The following RORB variants were observed in gnomAD, a reference collection of about 807,000 sequenced individuals.
RORB encodes RAR related orphan receptor B.
In RORB, 6 loss-of-function variants were observed where a neutral mutation model predicts 59.1. The observed-to-expected ratio is 0.10, with a 90% CI of 0.06 to 0.20. RORB has a LOEUF of 0.20. Ranked by LOEUF, RORB falls within the 10% of genes least tolerant of loss-of-function variation. RORB has a pLI of 1.00. For missense variants in RORB, 320 were observed against 560.5 expected (o/e 0.57, Z 4.33); for synonymous variants, 215 against 204.5 (o/e 1.05, Z -0.44).
At chr9:74,665,803 T>G (rs556746573) in intron 7 of RORB, among the ~76,000 whole-genome samples, 1 of 152,328 alleles carries the variant, frequency 6.6e-6, no homozygotes, top group African/African-American at 2.4e-5. Flanking sequence ...AAGAGAGAAC[T>G]GAGGACCCTC....
intron 1 of RORB, among the ~76,000 whole-genome samples, chr9:74,528,035 A>G (rs933395119): frequency 2.6e-5 from 4 of 151,994 alleles, no homozygotes; most frequent in Admixed American, 6.6e-5. Context: ...ATAGTTTGCT[A>G]TAATTTATTT....
In RORB at chr9:74,685,452, C is replaced by T. The variant is rs1563974662; in HGVS notation, c.1225-11C>T. 1.3e-6 allele frequency: 2 copies of T among 1,599,578 alleles called. No homozygotes were observed. Among genetic ancestry groups the T allele is most frequent in the East Asian group, 4.5e-5 (2 of 44,664 alleles). On this transcript the variant is annotated splice_polypyrimidine_tract_variant and intron_variant, in intron 9 of 9. Coordinates refer to ENST00000376896, the MANE Select transcript of RORB (RefSeq NM_006914.4). ...CCTCTCTATCTCCCTCTCTGTCTCT[C>T]CGTTCTGCAGTTAATAGCCAAGATA... is the stretch of plus-strand genomic sequence containing the variant.
chr9:74,667,025 C>CCTTCTACAG (rs1249070931), intron 7 of RORB, among the ~76,000 whole-genome samples: 2 of 152,160 alleles, frequency 1.3e-5, no homozygotes, highest in African/African-American at 4.8e-5. Context: ...GCAATGTTTC[C>CCTTCTACAG]CTTCTACAGT....
chr9:74,634,856 C>T, intron 3 of RORB, 84 bp downstream of exon 3: 1 of 1,267,914 alleles, frequency 7.9e-7, no homozygotes, highest in Non-Finnish European at 1.1e-6. Context: ...TGGAAGAATT[C>T]TAGATGAGGG....
At chr9:74,658,004 C>CAAAAAAAAAAAAAAAA (rs60719147) in intron 4 of RORB, among the ~76,000 whole-genome samples, 20 of 97,830 alleles carry the variant, frequency 2.0e-4, no homozygotes, top group East Asian at 3.7e-4. Flanking sequence ...GACTCGGTCT[C>CAAAAAAAAAAAAAAAA]AAAAAAAAAA....
chr9:74,648,377 C>T (rs1466745418), intron 4 of RORB, among the ~76,000 whole-genome samples: 1 of 152,310 alleles, frequency 6.6e-6, no homozygotes. Flanking sequence ...GTCTCACCAT[C>T]TGAAAAATAA....
At chr9:74,562,902 C>T (rs1822416481) in intron 1 of RORB, among the ~76,000 whole-genome samples, 1 of 152,162 alleles carries the variant, frequency 6.6e-6, no homozygotes, top group South Asian at 2.1e-4. Context: ...TTCCCTTTCT[C>T]CCTCTCCCCC....
At chr9:74,535,919 T>A (rs1041372380) in intron 1 of RORB, among the ~76,000 whole-genome samples, 2 of 152,046 alleles carry the variant, frequency 1.3e-5, no homozygotes, top group African/African-American at 2.4e-5. Flanking sequence ...GTTGTTGTTG[T>A]TGATTATCTA....
Position 74,665,481 on chromosome 9 carries a change from CT to C in RORB, c.893-6del, listed in dbSNP as rs751628843. ...ATTTTATTTTTATTTTTATTTTTTACTCATAGGTTGCTTGGAAGTGGTTTTA... is the reference window on the plus strand; with the variant it reads ...ATTTTATTTTTATTTTTATTTTTTACCATAGGTTGCTTGGAAGTGGTTTTA... On this transcript the variant is annotated splice_polypyrimidine_tract_variant and splice_region_variant and intron_variant, in intron 6 of 9. Transcript: ENST00000376896. The C allele has an allele frequency of 1.3e-6, 2 of 1,548,424 alleles. No homozygotes were observed. Among genetic ancestry groups the C allele is most frequent in the Non-Finnish European group, 1.8e-6 (2 of 1,129,242 alleles).
At chr9:74,669,427 C>T (rs1824315347) in intron 8 of RORB, among the ~76,000 whole-genome samples, 2 of 148,460 alleles carry the variant, frequency 1.3e-5, no homozygotes, top group South Asian at 2.1e-4. Flanking sequence ...TGCAGTGAGC[C>T]GAGATTGTGC....
chr9:74,642,778 T>C lies in RORB; in HGVS notation c.600T>C (p.Asn200=), dbSNP rs771146324. 4 of 1,608,018 alleles carry C rather than the reference T, an allele frequency of 2.5e-6. No homozygotes were observed. The highest frequency in any genetic ancestry group is 1.7e-5 in the Admixed American group (1 of 59,840). Residue 200 remains asparagine (N), a synonymous_variant, in exon 4 of 10, where the codon AAT becomes AAC. Coordinates refer to ENST00000376896, the MANE Select transcript of RORB (RefSeq NM_006914.4). ...PNLFTYSSFN[N]GQLAPGITMT... Reference sequence around the variant, plus strand: ...TGTTTACCTATAGCTCTTTCAACAATGGGCAGTTAGCACCAGGGATAACCA... The same window carrying C: ...TGTTTACCTATAGCTCTTTCAACAACGGGCAGTTAGCACCAGGGATAACCA...
intron 4 of RORB, 51 bp from the exon 5 acceptor site, chr9:74,660,566 G>A (rs752097224): frequency 2.3e-5 from 36 of 1,559,634 alleles, no homozygotes; most frequent in Non-Finnish European, 3.0e-5. Context: ...AAAAGCTAAT[G>A]AGCAGAGTAA....
At chr9:74,653,222 C>T (rs1348516812) in intron 4 of RORB, among the ~76,000 whole-genome samples, 5 of 152,062 alleles carry the variant, frequency 3.3e-5, no homozygotes, top group African/African-American at 1.2e-4. Flanking sequence ...TCTAAGAAAT[C>T]TTGATATTAT....
At chr9:74,529,954 A>G (rs1364394546) in intron 1 of RORB, among the ~76,000 whole-genome samples, 1 of 151,996 alleles carries the variant, frequency 6.6e-6, no homozygotes, top group Non-Finnish European at 1.5e-5. Context: ...TAATTTAGCA[A>G]CACTCCACAG....
At chr9:74,519,315 G>A (rs916831463) in intron 1 of RORB, among the ~76,000 whole-genome samples, 4 of 151,998 alleles carry the variant, frequency 2.6e-5, no homozygotes, top group African/African-American at 9.7e-5. Flanking sequence ...AAGTCAGGGT[G>A]GGTAGGTTGT....
chr9:74,636,552 A>G (rs1823706812), intron 3 of RORB, among the ~76,000 whole-genome samples: 1 of 152,176 alleles, frequency 6.6e-6, no homozygotes, highest in East Asian at 1.9e-4. Context: ...CAGAGCCACA[A>G]TTTATTCTCA....
intron 1 of RORB, among the ~76,000 whole-genome samples, chr9:74,503,975 T>A (rs572886381): frequency 1.3e-5 from 2 of 152,192 alleles, no homozygotes; most frequent in South Asian, 4.1e-4. Context: ...ACCATGTGGT[T>A]AACTAATGGC....
intron 1 of RORB, among the ~76,000 whole-genome samples, chr9:74,523,853 T>C (rs1479965353): frequency 6.6e-6 from 1 of 151,908 alleles, no homozygotes; most frequent in Non-Finnish European, 1.5e-5. Flanking sequence ...AACTGATATA[T>C]GCACCTAAGG....
chr9:74,685,245 AT>A (rs1213940591), intron 9 of RORB, among the ~76,000 whole-genome samples: 1 of 31,838 alleles, frequency 3.1e-5, no homozygotes, highest in Non-Finnish European at 5.6e-5. Context: ...TGCTTGCTTT[AT>A]TTTTCCTTTA....
Sources: allele counts gnomAD v4.1 joint callset (sites outside exome capture counted in the v4.1 genomes callset), GRCh38; gene constraint gnomAD v4.1.1; transcripts MANE v1.5; gene names NCBI Gene and HGNC (gene_info 2026-07-23, HGNC 2026-07-21).